NAV3: variants seen among roughly 807,000 people sequenced by gnomAD.
NAV3 encodes the protein neuron navigator 3, also known as pore membrane and/or filament interacting like protein 1.
In NAV3, 87 loss-of-function variants were observed where a neutral mutation model predicts 244.7. The ratio of observed to expected loss-of-function variants is 0.36; its 90% CI spans 0.30 to 0.42. The LOEUF (loss-of-function observed/expected upper bound fraction) is 0.42, where lower values mean the gene tolerates loss of function less well. Among genes scored for constraint, NAV3 ranks in the 20% least tolerant of loss-of-function variants. NAV3 has a pLI of 1.00. For synonymous variants in NAV3, 1,126 were observed against 1,042.2 expected (o/e 1.08, Z -1.55); for missense variants, 2,663 against 2,893.3 (o/e 0.92, Z 1.83).
chr12:77,849,884 G>A (rs182413687), intron 1 of NAV3, among the ~76,000 whole-genome samples: 11 of 152,240 alleles, frequency 7.2e-5, no homozygotes, highest in African/African-American at 2.4e-4. Context: ...ACTTTTGAAT[G>A]TGGAAGAAAG....
At chr12:78,046,167 T>A (rs1261373056) in intron 9 of NAV3, among the ~76,000 whole-genome samples, 2 of 152,220 alleles carry the variant, frequency 1.3e-5, no homozygotes, top group African/African-American at 4.8e-5. Flanking sequence ...ATTTTGTTAA[T>A]CTTTTCAAAA....
chr12:78,149,160 A>G (rs1171830826), intron 22 of NAV3, among the ~76,000 whole-genome samples: 3 of 152,114 alleles, frequency 2.0e-5, no homozygotes, highest in Non-Finnish European at 2.9e-5. Context: ...AAACAATAGT[A>G]ACAGCCATAT....
At chr12:77,721,475 T>C (rs954019750) in intron 2 of NAV3, among the ~76,000 whole-genome samples, 4 of 152,178 alleles carry the variant, frequency 2.6e-5, no homozygotes, top group African/African-American at 9.6e-5. Flanking sequence ...AATGTGTTTA[T>C]AGCCATTTAA....
At chr12:77,828,780 G>A (rs1873286489), upstream of NAV3, among the ~76,000 whole-genome samples, 1 of 151,794 alleles carries the variant, frequency 6.6e-6, no homozygotes, top group Non-Finnish European at 1.5e-5. Flanking sequence ...ATATGCAAAA[G>A]GTATTTCAAA....
intron 2 of NAV3, among the ~76,000 whole-genome samples, chr12:77,579,615 C>G (rs1443169910): frequency 1.3e-5 from 2 of 152,212 alleles, no homozygotes; most frequent in African/African-American, 4.8e-5. Context: ...CCTCTTAATA[C>G]TGTAATAATG....
At chr12:78,199,199 G>GC (rs543298298) in intron 36 of NAV3, 136 bp from the exon 37 acceptor site, 9,240 of 736,906 alleles carry the variant, frequency 0.013, 76 homozygotes, top group Non-Finnish European at 0.017. Flanking sequence ...TGAAAAGGTG[G>GC]CCACCAATTG....
chr12:77,590,725 A>T (rs931639307), intron 2 of NAV3, among the ~76,000 whole-genome samples: 4 of 152,218 alleles, frequency 2.6e-5, no homozygotes, highest in African/African-American at 9.7e-5. Flanking sequence ...GATTATAATC[A>T]AGAGTTTATA....
chr12:78,163,281 C>A (rs989158166), intron 23 of NAV3, among the ~76,000 whole-genome samples: 1 of 152,088 alleles, frequency 6.6e-6, no homozygotes, highest in Non-Finnish European at 1.5e-5. Flanking sequence ...ACTCCTAACA[C>A]TTTTCCTATT....
chr12:78,016,297 T>C, intron 8 of NAV3, among the ~76,000 whole-genome samples: 1 of 152,138 alleles, frequency 6.6e-6, no homozygotes, highest in Non-Finnish European at 1.5e-5. Flanking sequence ...TTTATTTTGA[T>C]ATTATATATA....
chr12:78,159,383 G>C lies in NAV3; in HGVS notation c.4869+97G>C. 3 of 1,118,092 alleles carry C rather than the reference G, an allele frequency of 2.7e-6. No individual in the cohort carries two copies. In the Admixed American group the frequency reaches 6.0e-5, roughly 22 times the overall value. The allele number at this position is 1,118,092 out of a possible 1,614,324, so 69.3% of individuals were successfully genotyped here. On this transcript the variant is annotated intron_variant, in intron 23 of 39. Coordinates refer to ENST00000397909, the MANE Select transcript of NAV3 (RefSeq NM_001024383.2). ...AAGCTCCTTAAAAATAATATTCCAGGCTGAGTGCAGAGGCTCATGCCTGTA... is the reference window on the plus strand; with the variant it reads ...AAGCTCCTTAAAAATAATATTCCAGCCTGAGTGCAGAGGCTCATGCCTGTA...
chr12:78,037,158 A>G (rs1398642427), intron 9 of NAV3: 1 of 703,054 alleles, frequency 1.4e-6, no homozygotes, highest in Non-Finnish European at 2.6e-6. Flanking sequence ...CCAGTCAGAC[A>G]GTGAAGACTT....
At chr12:77,579,302 C>T (rs1000962752) in intron 2 of NAV3, among the ~76,000 whole-genome samples, 1 of 152,208 alleles carries the variant, frequency 6.6e-6, no homozygotes, top group Non-Finnish European at 1.5e-5. Flanking sequence ...GAGCTTATCA[C>T]AAATGAGCAA....
chr12:77,988,903 AG>A (rs142325032), intron 5 of NAV3, among the ~76,000 whole-genome samples: 1 of 152,322 alleles, frequency 6.6e-6, no homozygotes, highest in East Asian at 1.9e-4. Context: ...AGCACTGTGG[AG>A]GATAAAATGC....
intron 11 of NAV3, among the ~76,000 whole-genome samples, chr12:78,051,635 T>A (rs181466869): frequency 1.5e-3 from 226 of 152,332 alleles, no homozygotes; most frequent in African/African-American, 5.3e-3. Flanking sequence ...CTATTCATTT[T>A]CTTTTGATGG....
intron 12 of NAV3, among the ~76,000 whole-genome samples, chr12:78,072,871 G>A (rs1158654275): frequency 2.0e-5 from 2 of 98,036 alleles, no homozygotes; most frequent in African/African-American, 8.0e-5. Flanking sequence ...GGGATGCAAG[G>A]CTGGTTCAAT....
chr12:78,205,671 A>G (rs1404625521), intron 39 of NAV3, among the ~76,000 whole-genome samples: 1 of 152,070 alleles, frequency 6.6e-6, no homozygotes, highest in Non-Finnish European at 1.5e-5. Flanking sequence ...TAATTGAAAT[A>G]AAAGTCTGTA....
chr12:77,631,132 T>G (rs908944715), intron 2 of NAV3, among the ~76,000 whole-genome samples: 7 of 152,236 alleles, frequency 4.6e-5, no homozygotes, highest in African/African-American at 1.7e-4. Flanking sequence ...TTCTACTTTA[T>G]TTTTGGAAAT....
chr12:77,609,651 G>GT (rs1870824129), intron 2 of NAV3, among the ~76,000 whole-genome samples: 2 of 149,900 alleles, frequency 1.3e-5, no homozygotes, highest in Admixed American at 1.3e-4. Flanking sequence ...AACTTCCCAG[G>GT]TGATGTTGAT....
At chr12:77,655,143 T>C (rs7296265) in intron 2 of NAV3, among the ~76,000 whole-genome samples, 59,812 of 151,922 alleles carry the variant, frequency 0.39, 12,631 homozygotes, top group African/African-American at 0.54. Context: ...AGGCTTCAGA[T>C]GATCAAACTA....
Sources: gnomAD v4.1 joint callset for allele counts (sites outside exome capture counted in the v4.1 genomes callset) on GRCh38, gnomAD v4.1.1 for gene constraint, MANE v1.5 for transcripts, NCBI Gene and HGNC (gene_info 2026-07-23, HGNC 2026-07-21) for gene names.